The following AUTS2 variants were observed in gnomAD, a reference collection of about 807,000 sequenced individuals.
The protein encoded by AUTS2 is activator of transcription and developmental regulator AUTS2.
AUTS2 carries 17 observed loss-of-function variants against 112.4 expected under a neutral mutation model. That is an observed-to-expected ratio of 0.15 (90% CI 0.10 to 0.23). AUTS2 has a LOEUF of 0.23. Among genes scored for constraint, AUTS2 ranks in the 10% least tolerant of loss-of-function variants. AUTS2 has a pLI of 1.00. For synonymous variants in AUTS2, 751 were observed against 702.7 expected (o/e 1.07, Z -1.09); for missense variants, 1,510 against 1,701.6 (o/e 0.89, Z 1.98).
intron 4 of AUTS2, among the ~76,000 whole-genome samples, chr7:70,302,856 G>T (rs1314346457): frequency 1.3e-5 from 2 of 151,152 alleles, no homozygotes; most frequent in African/African-American, 4.9e-5. Context: ...GTGGGTGCGT[G>T]CATGCGTGCT....
At chr7:69,695,350 T>A (rs921096860) in intron 1 of AUTS2, among the ~76,000 whole-genome samples, 14 of 152,042 alleles carry the variant, frequency 9.2e-5, no homozygotes, top group Middle Eastern at 3.4e-3. Flanking sequence ...AAAATTTTTT[T>A]AAAAATATAA....
At chr7:70,586,626 C>T (rs949821841) in intron 5 of AUTS2, among the ~76,000 whole-genome samples, 4 of 152,094 alleles carry the variant, frequency 2.6e-5, no homozygotes, top group Non-Finnish European at 4.4e-5. Context: ...GGATGCCTGC[C>T]CATTGCATTG....
rs138942255 is a variant in AUTS2, at chr7:69,815,554, C to T, written c.310-83732C>T. ...TTTTTGAGATGGAGTCTCACTCTGTCGCCAGACTGGAGTGCAGTGGCATGA... is the reference window on the plus strand; with the variant it reads ...TTTTTGAGATGGAGTCTCACTCTGTTGCCAGACTGGAGTGCAGTGGCATGA... On this transcript the variant is annotated intron_variant, in intron 1 of 18. Coordinates refer to ENST00000342771, the MANE Select transcript of AUTS2 (RefSeq NM_015570.4). Among the ~76,000 whole-genome samples the T allele has an allele frequency of 2.9e-3, 448 of 152,144 alleles. 5 individuals are homozygous for T. Among genetic ancestry groups the T allele is most frequent in the African/African-American group, 0.01 (432 of 41,492 alleles).
chr7:69,647,258 G>T (rs1452815111), intron 1 of AUTS2, among the ~76,000 whole-genome samples: 1 of 151,906 alleles, frequency 6.6e-6, no homozygotes, highest in Admixed American at 6.5e-5. Flanking sequence ...AAAACAAGAA[G>T]GTTATTCAGA....
rs1222046645 is a variant in AUTS2, at chr7:70,763,031, G to A, written c.904G>A (p.Val302Ile). The A allele has an allele frequency of 1.9e-6, 3 of 1,614,076 alleles. No individual in the cohort carries two copies. The highest frequency in any genetic ancestry group is 1.7e-5 in the Admixed American group (1 of 60,008). The change falls in exon 7 of 19, where the codon GTC (valine) becomes ATC (isoleucine). Residue 302 changes from valine (V) to isoleucine (I), a missense_variant. Coordinates refer to ENST00000342771, the MANE Select transcript of AUTS2 (RefSeq NM_015570.4). ...PVVLKDPCPQVAQPIPQPQTE... is the reference protein window; with the variant it reads ...PVVLKDPCPQIAQPIPQPQTE... Reference sequence around the variant, plus strand: ...GGTGCTTAAAGACCCCTGCCCTCAGGTCGCACAGCCAATACCCCAGCCGCA... The same window carrying A: ...GGTGCTTAAAGACCCCTGCCCTCAGATCGCACAGCCAATACCCCAGCCGCA...
At chr7:70,168,964 A>T (rs1808527031) in intron 4 of AUTS2, among the ~76,000 whole-genome samples, 1 of 152,080 alleles carries the variant, frequency 6.6e-6, no homozygotes, top group South Asian at 2.1e-4. Context: ...AGAAAAAAAA[A>T]TTGGTTTGCA....
At chr7:69,959,020 G>C (rs1797325486) in intron 2 of AUTS2, among the ~76,000 whole-genome samples, 1 of 152,102 alleles carries the variant, frequency 6.6e-6, no homozygotes, top group South Asian at 2.1e-4. Context: ...AATACTTTCT[G>C]GTCTCCTATT....
At chr7:69,997,477 A>G (rs1016740232) in intron 2 of AUTS2, among the ~76,000 whole-genome samples, 5 of 152,168 alleles carry the variant, frequency 3.3e-5, no homozygotes, top group South Asian at 2.1e-4. Flanking sequence ...TTGTGTTCCT[A>G]TAAACGAATA....
intron 2 of AUTS2, among the ~76,000 whole-genome samples, chr7:69,954,989 CTTGCAT>C (rs1797162200): frequency 6.6e-6 from 1 of 152,152 alleles, no homozygotes; most frequent in Non-Finnish European, 1.5e-5. Flanking sequence ...CATAAATCAA[CTTGCAT>C]TTGTTCTGTA....
intron 6 of AUTS2, among the ~76,000 whole-genome samples, chr7:70,760,209 G>T (rs948322366): frequency 6.6e-6 from 1 of 152,194 alleles, no homozygotes; most frequent in Non-Finnish European, 1.5e-5. Flanking sequence ...GTTTCACCGT[G>T]TTAGCCAGGA....
intron 2 of AUTS2, among the ~76,000 whole-genome samples, chr7:69,963,162 A>AGTTGCTGC (rs1364949343): frequency 1.3e-5 from 2 of 152,154 alleles, no homozygotes; most frequent in African/African-American, 4.8e-5. Flanking sequence ...AATGAAAATA[A>AGTTGCTGC]GTTGCTGCAG....
intron 5 of AUTS2, among the ~76,000 whole-genome samples, chr7:70,484,394 G>A (rs1797904571): frequency 1.3e-5 from 2 of 152,220 alleles, no homozygotes; most frequent in African/African-American, 4.8e-5. Context: ...TGTGGTCAGA[G>A]TAGTACTTGG....
At chr7:70,381,148 G>T (rs980539506) in intron 4 of AUTS2, among the ~76,000 whole-genome samples, 2 of 152,076 alleles carry the variant, frequency 1.3e-5, no homozygotes, top group Non-Finnish European at 2.9e-5. Context: ...ATAATACTAA[G>T]AATAACATTA....
At chr7:70,560,879 A>G (rs939445560) in intron 5 of AUTS2, among the ~76,000 whole-genome samples, 1 of 152,250 alleles carries the variant, frequency 6.6e-6, no homozygotes, top group African/African-American at 2.4e-5. Flanking sequence ...TACATTCTTG[A>G]AAGTGGCAAA....
At chr7:70,112,845 T>C (rs1310406496) in intron 2 of AUTS2, among the ~76,000 whole-genome samples, 2 of 152,076 alleles carry the variant, frequency 1.3e-5, no homozygotes, top group East Asian at 3.8e-4. Context: ...TATTTTTAAA[T>C]GGGAGCTTAA....
intron 1 of AUTS2, among the ~76,000 whole-genome samples, chr7:69,608,219 GCACTGCACCC>G (rs1381637295): frequency 6.6e-6 from 1 of 152,140 alleles, no homozygotes. Context: ...CAGACGTGAG[GCACTGCACCC>G]GGCAAGAAAT....
intron 6 of AUTS2, among the ~76,000 whole-genome samples, chr7:70,745,296 A>G (rs1445954917): frequency 6.6e-6 from 1 of 151,536 alleles, no homozygotes; most frequent in Non-Finnish European, 1.5e-5. Context: ...TTTCCATTTA[A>G]TTTTTCTATT....
chr7:70,243,231 TTGTGTGTGTGTG>T (rs3078161), intron 4 of AUTS2, among the ~76,000 whole-genome samples: 5,081 of 131,738 alleles, frequency 0.039, 99 homozygotes, highest in Middle Eastern at 0.13. Flanking sequence ...GAATGTATCC[TTGTGTGTGTGTG>T]TGTGTGTGTG....
At chr7:69,914,253 A>C (rs1015823703) in intron 2 of AUTS2, among the ~76,000 whole-genome samples, 1 of 151,736 alleles carries the variant, frequency 6.6e-6, no homozygotes, top group African/African-American at 2.4e-5. Flanking sequence ...GGTTTGAATA[A>C]TTTTTGCAAT....
Sources: gnomAD v4.1 joint callset for allele counts (sites outside exome capture counted in the v4.1 genomes callset) on GRCh38, gnomAD v4.1.1 for gene constraint, MANE v1.5 for transcripts, NCBI Gene and HGNC (gene_info 2026-07-23, HGNC 2026-07-21) for gene names.